PPP2R2B: variants seen among roughly 807,000 people sequenced by gnomAD.
PPP2R2B encodes the protein protein phosphatase 2 regulatory subunit Bbeta, also known as serine/threonine-protein phosphatase 2A 55 kDa regulatory subunit B beta isoform.
In PPP2R2B, 5 loss-of-function variants were observed where a neutral mutation model predicts 46.0. The observed-to-expected ratio is 0.11, with a 90% confidence interval of 0.06 to 0.23. The LOEUF (loss-of-function observed/expected upper bound fraction) is 0.23. Ranked by LOEUF, PPP2R2B falls within the 10% of genes least tolerant of loss-of-function variation. PPP2R2B has a pLI of 1.00. For synonymous variants in PPP2R2B, 215 were observed against 206.7 expected (o/e 1.04, Z -0.34); for missense variants, 367 against 575.0 (o/e 0.64, Z 3.70).
chr5:146,833,503 G>A (rs1026677547), intron 2 of PPP2R2B, among the ~76,000 whole-genome samples: 1 of 152,108 alleles, frequency 6.6e-6, no homozygotes, highest in Admixed American at 6.5e-5. Context: ...TGAAAACATG[G>A]CATTTTTCAC....
chr5:146,627,205 A>G (rs1774124050), intron 7 of PPP2R2B, among the ~76,000 whole-genome samples: 2 of 152,214 alleles, frequency 1.3e-5, no homozygotes, highest in South Asian at 4.1e-4. Flanking sequence ...ATTTTAATAA[A>G]GGACCTTGTC....
chr5:146,946,262 T>C (rs1764479638), intron 1 of PPP2R2B, among the ~76,000 whole-genome samples: 1 of 152,062 alleles, frequency 6.6e-6, no homozygotes, highest in Admixed American at 6.6e-5. Context: ...GACAAGTCTT[T>C]TTTTCCCATC....
intron 2 of PPP2R2B, among the ~76,000 whole-genome samples, chr5:146,769,611 T>C (rs1754714902): frequency 6.6e-6 from 1 of 152,190 alleles, no homozygotes; most frequent in Non-Finnish European, 1.5e-5. Context: ...TCTTGGAAAA[T>C]ACTGCTTTAC....
chr5:146,582,333 G>A lies in PPP2R2B; in HGVS notation c.*7614C>T, dbSNP rs1432456927. ...GCAATATCTTGGATGTGATAATGTT[G>A]CTTCCTGCATCAGTGAACATGGTAT... On this transcript the variant is annotated 3_prime_UTR_variant, in exon 10 of 10. Transcript: ENST00000394411. 1 of 152,178 alleles carries A rather than the reference G, an allele frequency of 6.6e-6. No homozygotes were observed. The highest frequency in any genetic ancestry group is 1.5e-5 in the Non-Finnish European group (1 of 68,040). The allele number at this position is 152,178 out of a possible 1,614,324, so 9.4% of individuals were successfully genotyped here.
intron 2 of PPP2R2B, among the ~76,000 whole-genome samples, chr5:146,815,658 T>C (rs1340392023): frequency 6.6e-6 from 1 of 152,210 alleles, no homozygotes; most frequent in African/African-American, 2.4e-5. Context: ...GACAGACCCT[T>C]TTACTGTTGG....
rs73793254 is a variant in PPP2R2B, at chr5:146,753,516, C to T, written c.71-52374G>A. 6.8e-3 allele frequency among the ~76,000 whole-genome samples: 1,035 copies of T among 152,244 alleles called. 14 individuals carry two copies. The highest frequency in any genetic ancestry group is 0.024 in the African/African-American group (992 of 41,562). ...AAGTAGAAATGAACTAGGCCAGTTC[C>T]TTTTGTCAGCTGTCTCAGGACTGGT... On this transcript the variant is annotated intron_variant, in intron 2 of 9. Coordinates refer to ENST00000394411, the MANE Select transcript of PPP2R2B (RefSeq NM_181675.4).
intron 1 of PPP2R2B, among the ~76,000 whole-genome samples, chr5:147,053,278 A>G (rs535958418): frequency 1.3e-5 from 2 of 152,002 alleles, no homozygotes; most frequent in South Asian, 2.1e-4. Flanking sequence ...AACAAAAACA[A>G]TGACAAGGAG....
chr5:147,060,139 A>C (rs969945962), upstream of PPP2R2B, among the ~76,000 whole-genome samples: 2 of 152,176 alleles, frequency 1.3e-5, no homozygotes, highest in African/African-American at 4.8e-5. Flanking sequence ...TTCTAATCTT[A>C]AATAAAGTGC....
intron 1 of PPP2R2B, among the ~76,000 whole-genome samples, chr5:147,003,743 A>G (rs13172310): frequency 0.48 from 72,682 of 151,900 alleles, 18,858 homozygotes; most frequent in Middle Eastern, 0.6. Context: ...GTGTTCTAGA[A>G]GGACTAAGGA....
At chr5:146,786,752 C>T (rs1755864928) in intron 2 of PPP2R2B, among the ~76,000 whole-genome samples, 1 of 152,152 alleles carries the variant, frequency 6.6e-6, no homozygotes, top group Non-Finnish European at 1.5e-5. Context: ...AATGAAGACA[C>T]ATTTGGGTAT....
intron 2 of PPP2R2B, among the ~76,000 whole-genome samples, chr5:146,870,849 G>A (rs1419067583): frequency 1.3e-5 from 2 of 152,166 alleles, no homozygotes; most frequent in Non-Finnish European, 2.9e-5. Flanking sequence ...GCACAGAAGT[G>A]AAAGTCTGAC....
chr5:146,667,326 G>GTGCACACA (rs1491550987), intron 5 of PPP2R2B, among the ~76,000 whole-genome samples: 17 of 50,646 alleles, frequency 3.4e-4, no homozygotes, highest in Non-Finnish European at 8.0e-4. Flanking sequence ...GAATAGGCGT[G>GTGCACACA]CGCGCGCACA....
chr5:146,941,085 T>C (rs1297744194), intron 1 of PPP2R2B, among the ~76,000 whole-genome samples: 1 of 152,160 alleles, frequency 6.6e-6, no homozygotes, highest in African/African-American at 2.4e-5. Flanking sequence ...TTCTTTGTTC[T>C]CAAGATTACC....
At chr5:146,877,784 C>T (rs1761982261) in intron 2 of PPP2R2B, among the ~76,000 whole-genome samples, 1 of 152,164 alleles carries the variant, frequency 6.6e-6, no homozygotes, top group Non-Finnish European at 1.5e-5. Flanking sequence ...TTTTAACTCC[C>T]GTGGGCGCCG....
At chr5:146,687,052 T>C (rs60057388) in intron 5 of PPP2R2B, among the ~76,000 whole-genome samples, 3,348 of 119,424 alleles carry the variant, frequency 0.028, 134 homozygotes, top group African/African-American at 0.1. Context: ...GCAGGGACAG[T>C]GGTAGCGGGG....
chr5:146,997,576 T>C (rs971208491), intron 1 of PPP2R2B, among the ~76,000 whole-genome samples: 1 of 152,162 alleles, frequency 6.6e-6, no homozygotes, highest in Admixed American at 6.5e-5. Flanking sequence ...AACCCTGCAG[T>C]TGATCTTGAT....
At position 146,979,558 on chromosome 5, in the gene PPP2R2B, A is replaced by AACACACAC. The variant is rs34864782; in HGVS notation, c.79+76099_79+76106dup. ...CCAATATTGAATCTTCCCACCTTGA[A>AACACACAC]ACACACACACACACACACACACACA... is the stretch of plus-strand genomic sequence containing the variant. On this transcript the variant is annotated intron_variant, in intron 1 of 8. Coordinates refer to the PPP2R2B transcript ENST00000336640. Among the ~76,000 whole-genome samples, 339 of 137,344 alleles carry AACACACAC rather than the reference A, an allele frequency of 2.5e-3. 2 individuals are homozygous for AACACACAC. The highest frequency in any genetic ancestry group is 8.5e-3 in the African/African-American group (320 of 37,752). The allele number at this position is 137,344 out of a possible 152,430, so 90.1% of individuals were successfully genotyped here.
intron 7 of PPP2R2B, among the ~76,000 whole-genome samples, chr5:146,623,585 C>T (rs531180816): frequency 1.3e-5 from 2 of 152,336 alleles, no homozygotes; most frequent in African/African-American, 4.8e-5. Flanking sequence ...GACAATTTCA[C>T]TGCATTACAG....
upstream of PPP2R2B, among the ~76,000 whole-genome samples, chr5:146,880,176 A>ATT (rs887289161): frequency 1.8e-5 from 2 of 114,190 alleles, no homozygotes; most frequent in Non-Finnish European, 3.5e-5. Context: ...TGACATAGTT[A>ATT]TTTTGTGTGT....
Sources: gnomAD v4.1 joint callset for allele counts (sites outside exome capture counted in the v4.1 genomes callset) on GRCh38, gnomAD v4.1.1 for gene constraint, MANE v1.5 for transcripts, NCBI Gene and HGNC (gene_info 2026-07-23, HGNC 2026-07-21) for gene names.